Variants in HAPLN1 observed in about 807,000 individuals in gnomAD.
HAPLN1 encodes the protein hyaluronan and proteoglycan link protein 1, also known as Cartilage link protein.
A neutral mutation model predicts 36.5 loss-of-function variants in HAPLN1; 13 were observed. That is an observed-to-expected ratio of 0.36 (90% CI 0.23 to 0.57). The LOEUF is 0.57. Ranked by LOEUF, HAPLN1 falls within the 20% of genes least tolerant of loss-of-function variation. The pLI, the probability that HAPLN1 is intolerant of heterozygous loss-of-function variation, is 0.83. For synonymous variants in HAPLN1, 202 were observed against 169.8 expected (o/e 1.19, Z -1.48); for missense variants, 407 against 439.7 (o/e 0.93, Z 0.66).
chr5:83,681,481 C>CT (rs1459331182), intron 1 of HAPLN1, among the ~76,000 whole-genome samples: 1 of 151,970 alleles, frequency 6.6e-6, no homozygotes, highest in African/African-American at 2.4e-5. Context: ...TTTAAAATTA[C>CT]TTTTTTACAT....
chr5:83,656,833 G>C (rs1276567234), intron 2 of HAPLN1, among the ~76,000 whole-genome samples: 1 of 152,034 alleles, frequency 6.6e-6, no homozygotes, highest in African/African-American at 2.4e-5. Context: ...ACATCATTTA[G>C]TTTCACCAAA....
chr5:83,641,704 A>G lies in HAPLN1; in HGVS notation c.857T>C (p.Ile286Thr). The change falls in exon 5 of 5, where the codon ATT becomes ACT. Residue 286 changes from isoleucine to threonine, a missense_variant. Ile to Thr is a moderately conservative substitution (Grantham distance 89, BLOSUM62 -1). Transcript: ENST00000274341. The part of the protein sequence containing the change: ...VQACLNDGAQ[I>T]AKVGQIFAAW... ...AGCAAATATCTGGCCCACTTTTGCA[A>G]TCTGAGCACCATCATTGAGACAAGC... 2 of 1,614,190 alleles carry G rather than the reference A, an allele frequency of 1.2e-6. No homozygotes were observed. The highest frequency in any genetic ancestry group is 1.7e-6 in the Non-Finnish European group (2 of 1,180,036).
At chr5:83,644,268 T>C in intron 4 of HAPLN1, 95 bp downstream of exon 4, 1 of 1,023,214 alleles carries the variant, frequency 9.8e-7, no homozygotes, top group South Asian at 3.7e-5. Flanking sequence ...TTTTTGTTTG[T>C]TTTTCTAAGA....
At chr5:83,704,217 C>T (rs768699765) in intron 1 of HAPLN1, among the ~76,000 whole-genome samples, 3 of 152,002 alleles carry the variant, frequency 2.0e-5, no homozygotes, top group Non-Finnish European at 2.9e-5. Context: ...TTAGGGAGTT[C>T]GTTACCACCA....
At chr5:83,672,506 A>G (rs2112597665) in intron 2 of HAPLN1, among the ~76,000 whole-genome samples, 1 of 152,352 alleles carries the variant, frequency 6.6e-6, no homozygotes, top group African/African-American at 2.4e-5. Context: ...CTATTTTGGT[A>G]GTCATAATAC....
At chr5:83,711,804 G>A (rs935782518) in intron 1 of HAPLN1, among the ~76,000 whole-genome samples, 1 of 152,118 alleles carries the variant, frequency 6.6e-6, no homozygotes, top group Non-Finnish European at 1.5e-5. Context: ...TATAAAGAGA[G>A]ATGACACGAA....
intron 1 of HAPLN1, among the ~76,000 whole-genome samples, chr5:83,707,376 A>T (rs1751677345): frequency 6.6e-6 from 1 of 152,188 alleles, no homozygotes; most frequent in Admixed American, 6.5e-5. Context: ...GTATTGGTAC[A>T]AAAACAGGCA....
In HAPLN1 at chr5:83,641,598, T is replaced by C. The variant is rs1007537096; in HGVS notation, c.963A>G (p.Pro321=). Residue 321 remains proline, a synonymous_variant, in exon 5 of 5, where the codon CCA becomes CCG. Coordinates refer to ENST00000274341, the MANE Select transcript of HAPLN1 (RefSeq NM_001884.4). ...DGSVRYPISR[P]RRRCSPTEAA... ...CCTCAGTAGGACTGCAGCGCCTTCT[T>C]GGCCTAGAGATGGGGTAGCGGACGC... 6 of 1,614,066 alleles carry C rather than the reference T, an allele frequency of 3.7e-6. No individual in the cohort carries two copies. In the Admixed American group the frequency reaches 6.7e-5, roughly 18 times the overall value.
chr5:83,716,851 G>A (rs1022254658), intron 1 of HAPLN1, among the ~76,000 whole-genome samples: 13 of 152,138 alleles, frequency 8.5e-5, no homozygotes, highest in Admixed American at 7.2e-4. Flanking sequence ...GGCCAACATG[G>A]TGAAACCCTG....
chr5:83,641,507 C>T lies in HAPLN1; in HGVS notation c.1054G>A (p.Ala352Thr). ...HKLYGVYCFR[A>T]YN is the part of the protein sequence containing the mutation. ...CTCTAAGGGCACATTCAGTTGTATG[C>T]TCTGAAGCAGTAGACACCATACAGC... Residue 352 changes from alanine to threonine, a missense_variant, in exon 5 of 5, where the codon GCA becomes ACA. Coordinates refer to ENST00000274341, the MANE Select transcript of HAPLN1 (RefSeq NM_001884.4). 5 of 1,605,880 alleles carry T rather than the reference C, an allele frequency of 3.1e-6. No homozygotes were observed. The highest frequency in any genetic ancestry group is 1.1e-5 in the South Asian group (1 of 90,618).
chr5:83,671,387 G>A (rs1477793581), intron 2 of HAPLN1, among the ~76,000 whole-genome samples: 1 of 152,152 alleles, frequency 6.6e-6, no homozygotes, highest in Non-Finnish European at 1.5e-5. Flanking sequence ...TTAATCATCT[G>A]ACTAAATTCT....
chr5:83,672,504 G>T (rs1433358108), intron 2 of HAPLN1, among the ~76,000 whole-genome samples: 2 of 152,138 alleles, frequency 1.3e-5, no homozygotes, highest in East Asian at 3.9e-4. Context: ...TTCTATTTTG[G>T]TAGTCATAAT....
At chr5:83,709,953 A>G (rs1472367928) in intron 1 of HAPLN1, among the ~76,000 whole-genome samples, 1 of 152,242 alleles carries the variant, frequency 6.6e-6, no homozygotes, top group East Asian at 1.9e-4. Context: ...GATGACTCCT[A>G]TGTTCCTGTT....
intron 1 of HAPLN1, among the ~76,000 whole-genome samples, chr5:83,679,386 T>G (rs956425409): frequency 1.3e-5 from 2 of 152,152 alleles, no homozygotes; most frequent in Non-Finnish European, 2.9e-5. Flanking sequence ...ACGAAAAATT[T>G]ATATTCCTTT....
In HAPLN1 at chr5:83,641,797, A is replaced by G. The variant is rs761092175; in HGVS notation, c.776-12T>C. ...ATAGTAAAAACGGCCTGTAGAGAAA[A>G]GGAGACAGAGTCAATGGGCTGGTCT... On this transcript the variant is annotated splice_polypyrimidine_tract_variant and intron_variant, in intron 4 of 4. Coordinates refer to ENST00000274341, the MANE Select transcript of HAPLN1 (RefSeq NM_001884.4). 1.2e-6 allele frequency: 2 copies of G among 1,609,822 alleles called. No individual in the cohort carries two copies. The highest frequency in any genetic ancestry group is 2.7e-5 in the African/African-American group (2 of 74,852).
chr5:83,714,661 C>G (rs1258562129), intron 1 of HAPLN1, among the ~76,000 whole-genome samples: 2 of 152,192 alleles, frequency 1.3e-5, no homozygotes, highest in Non-Finnish European at 2.9e-5. Context: ...CTGTGCTTCT[C>G]CTATGCATAT....
chr5:83,683,927 C>T (rs543980221), intron 1 of HAPLN1, among the ~76,000 whole-genome samples: 1 of 152,094 alleles, frequency 6.6e-6, no homozygotes, highest in South Asian at 2.1e-4. Context: ...AAACAGGGCC[C>T]CTACTGCTGA....
chr5:83,666,766 T>C (rs1750563645), intron 2 of HAPLN1, among the ~76,000 whole-genome samples: 1 of 152,164 alleles, frequency 6.6e-6, no homozygotes, highest in Non-Finnish European at 1.5e-5. Context: ...ACTTATTTTA[T>C]TTTTTCTTGC....
At chr5:83,671,003 C>CT (rs1271620085) in intron 2 of HAPLN1, among the ~76,000 whole-genome samples, 1 of 151,984 alleles carries the variant, frequency 6.6e-6, no homozygotes, top group African/African-American at 2.4e-5. Context: ...TTCTTTCTTT[C>CT]TTTCTTTTTT....
Sources: allele counts gnomAD v4.1 joint callset (sites outside exome capture counted in the v4.1 genomes callset), GRCh38; gene constraint gnomAD v4.1.1; transcripts MANE v1.5; gene names NCBI Gene and HGNC (gene_info 2026-07-23, HGNC 2026-07-21).